The following ABCC5 variants were observed in gnomAD, a reference collection of about 807,000 sequenced individuals.
ABCC5 encodes ATP-binding cassette sub-family C member 5.
In ABCC5, 61 loss-of-function variants were observed where a neutral mutation model predicts 160.9. The observed-to-expected ratio is 0.38, with a 90% CI of 0.31 to 0.47. The LOEUF (loss-of-function observed/expected upper bound fraction) is 0.47, where lower values mean the gene tolerates loss of function less well. Among genes scored for constraint, ABCC5 ranks in the 20% least tolerant of loss-of-function variants. ABCC5 has a pLI of 0.99. For missense variants in ABCC5, 1,308 were observed against 1,813.3 expected (o/e 0.72, Z 5.06); for synonymous variants, 666 against 700.6 (o/e 0.95, Z 0.78).
At position 183,957,879 on chromosome 3, in the gene ABCC5, CGTGTGT is replaced by C. The variant is rs1716322870; in HGVS notation, c.2482+1848_2482+1853del. ...ATATCACATCTGTTACATGCGGATC[CGTGTGT>C]ATATCACATCGGTTACATGCGGATC... is the stretch of plus-strand genomic sequence containing the variant. On this transcript the variant is annotated intron_variant, in intron 17 of 29. Transcript: ENST00000334444. 1.4e-4 allele frequency among the ~76,000 whole-genome samples: 17 copies of C among 119,420 alleles called. No individual in the cohort carries two copies. The East Asian group carries it at 2.1e-3, about 15-fold the overall frequency. The allele number at this position is 119,420 out of a possible 152,430, so 78.3% of individuals were successfully genotyped here. A position where few individuals can be genotyped will look rare whatever the true frequency, so the allele number is the denominator to read the frequency against.
At chr3:183,969,431 G>A (rs1446662159) in intron 11 of ABCC5, among the ~76,000 whole-genome samples, 2 of 152,156 alleles carry the variant, frequency 1.3e-5, no homozygotes, top group African/African-American at 4.8e-5. Context: ...AGCAGCTCAC[G>A]CCTATAATCC....
In ABCC5 at chr3:184,017,049, C is replaced by A. The variant is rs544581202; in HGVS notation, c.-56+781G>T. Among the ~76,000 whole-genome samples, 1 of 152,332 alleles carries A rather than the reference C, an allele frequency of 6.6e-6. No individual in the cohort carries two copies. The highest frequency in any genetic ancestry group is 1.5e-5 in the Non-Finnish European group (1 of 68,030). On this transcript the variant is annotated intron_variant, in intron 1 of 29. Coordinates refer to ENST00000334444, the MANE Select transcript of ABCC5 (RefSeq NM_005688.4). The surrounding 1 kb of genome is among the most constrained non-coding windows in gnomAD (Gnocchi z 4.5). ...CTTGTTGCGTCTCCAAGCAGCCTCACCTTTCATACACGCTGCGGACCACAG... is the reference window on the plus strand; with the variant it reads ...CTTGTTGCGTCTCCAAGCAGCCTCAACTTTCATACACGCTGCGGACCACAG...
At position 183,989,339 on chromosome 3, in the gene ABCC5, G is replaced by T; in HGVS notation, c.174C>A (p.Gly58=). 1 of 1,613,962 alleles carries T rather than the reference G, an allele frequency of 6.2e-7. No individual in the cohort carries two copies. The highest frequency in any genetic ancestry group is 8.5e-7 in the Non-Finnish European group (1 of 1,179,974). The part of the protein sequence containing the change: ...DALETAARAE[G]LSLDASMHSQ... ...AATGCATGGAGGCATCAAGAGAGAG[G>T]CCCTCGGCTCGGGCTGCTGTTTCCA... Residue 58 remains glycine (G), a synonymous_variant, in exon 3 of 30, where the codon GGC becomes GGA. Coordinates refer to ENST00000334444, the MANE Select transcript of ABCC5 (RefSeq NM_005688.4).
chr3:183,931,422 C>T (rs1713173460), intron 26 of ABCC5, among the ~76,000 whole-genome samples: 2 of 151,892 alleles, frequency 1.3e-5, no homozygotes, highest in African/African-American at 2.4e-5. Flanking sequence ...TGCCCTGCCC[C>T]GCCAGGTTCA....
At chr3:183,940,040 A>G (rs1714143012) in intron 25 of ABCC5, among the ~76,000 whole-genome samples, 1 of 152,050 alleles carries the variant, frequency 6.6e-6, no homozygotes, top group South Asian at 2.1e-4. Context: ...CCTAATGGGA[A>G]CCTGAAAAAC....
At chr3:183,928,214 C>T (rs1216810832) in intron 27 of ABCC5, among the ~76,000 whole-genome samples, 1 of 151,550 alleles carries the variant, frequency 6.6e-6, no homozygotes, top group Non-Finnish European at 1.5e-5. Flanking sequence ...TGGGCTCAAG[C>T]GATTCTCCTG....
intron 11 of ABCC5, among the ~76,000 whole-genome samples, chr3:183,968,358 C>T (rs1443123556): frequency 1.3e-5 from 2 of 152,254 alleles, no homozygotes; most frequent in Admixed American, 6.5e-5. Context: ...GATCCACCCA[C>T]CTCGGCCTCC....
chr3:184,003,076 T>A (rs1445216960), intron 2 of ABCC5, among the ~76,000 whole-genome samples: 2 of 152,022 alleles, frequency 1.3e-5, no homozygotes, highest in African/African-American at 4.8e-5. Flanking sequence ...TTCAAATACA[T>A]CCTTCTGGCC....
intron 9 of ABCC5, 21 bp downstream of exon 9, chr3:183,978,482 C>T: frequency 6.3e-7 from 1 of 1,598,586 alleles, no homozygotes. Context: ...AAATGTTCCC[C>T]ATCCCTGAGG....
chr3:183,947,486 G>A lies in ABCC5; in HGVS notation c.3252C>T (p.Asn1084=). 6.2e-7 allele frequency: 1 copy of A among 1,602,534 alleles called. No homozygotes were observed. The highest frequency in any genetic ancestry group is 8.5e-7 in the Non-Finnish European group (1 of 1,172,444). The change falls in exon 23 of 30, where the codon AAC becomes AAT. Residue 1084 remains asparagine (N), a synonymous_variant. Transcript: ENST00000334444. ...LHRYQELLDD[N]QAPFFLFTCA... ...ACGTAAACAAAAAAAAAGGAGCTTG[G>A]TTGTCATCCAGCAGCTCCTGGTATC...
chr3:184,010,262 G>C (rs1398269091), intron 2 of ABCC5, among the ~76,000 whole-genome samples: 2 of 75,380 alleles, frequency 2.7e-5, no homozygotes, highest in Non-Finnish European at 4.5e-5. Flanking sequence ...AGGAGACTTC[G>C]TCTCAAAAAA....
At chr3:183,945,039 C>T (rs540704995) in intron 24 of ABCC5, among the ~76,000 whole-genome samples, 6 of 152,328 alleles carry the variant, frequency 3.9e-5, no homozygotes, top group African/African-American at 1.4e-4. Flanking sequence ...CTCTCTCTCT[C>T]CTGCTCTGCC....
In ABCC5 at chr3:183,925,537, T is replaced by C; in HGVS notation, c.4212+18A>G. ...CCTCCCAGACATGCCAAGCCAAAGTTCCTGAAGGACTCGGTACCTGTCCCT... is the reference window on the plus strand; with the variant it reads ...CCTCCCAGACATGCCAAGCCAAAGTCCCTGAAGGACTCGGTACCTGTCCCT... On this transcript the variant is annotated intron_variant, in intron 29 of 29. Transcript: ENST00000334444. 1 of 1,609,714 alleles carries C rather than the reference T, an allele frequency of 6.2e-7. No homozygotes were observed. Among genetic ancestry groups the C allele is most frequent in the Non-Finnish European group, 8.5e-7 (1 of 1,178,844 alleles).
At chr3:184,011,677 A>C (rs1024337539) in intron 2 of ABCC5, among the ~76,000 whole-genome samples, 6 of 152,262 alleles carry the variant, frequency 3.9e-5, no homozygotes, top group African/African-American at 1.4e-4. Flanking sequence ...ATGGTTAAAG[A>C]AGCTATGGTA....
chr3:183,981,581 C>T, intron 8 of ABCC5, 146 bp downstream of exon 8: 2 of 913,212 alleles, frequency 2.2e-6, no homozygotes, highest in Non-Finnish European at 3.3e-6. Context: ...CCCTTTTGAA[C>T]ACAAAGATTC....
At chr3:183,976,088 C>G (rs1212033433) in intron 10 of ABCC5, among the ~76,000 whole-genome samples, 3 of 150,648 alleles carry the variant, frequency 2.0e-5, no homozygotes, top group African/African-American at 7.3e-5. Context: ...TTTCATATGA[C>G]TCAGCTCTTG....
chr3:183,994,788 T>C (rs1720113915), intron 2 of ABCC5, among the ~76,000 whole-genome samples: 1 of 152,178 alleles, frequency 6.6e-6, no homozygotes, highest in Non-Finnish European at 1.5e-5. Context: ...CATCTATGTG[T>C]ACTTATATGT....
In ABCC5 at chr3:183,937,891, A is replaced by G. The variant is rs747838330; in HGVS notation, c.3854+10T>C. ...TGACGCACGAGACATGCAGGTGCTC[A>G]GGTCCTCACCTGACAGTGCCACTGA... On this transcript the variant is annotated intron_variant, in intron 26 of 29. Coordinates refer to ENST00000334444, the MANE Select transcript of ABCC5 (RefSeq NM_005688.4). 6.2e-7 allele frequency: 1 copy of G among 1,613,692 alleles called. No homozygotes were observed. Among genetic ancestry groups the G allele is most frequent in the South Asian group, 1.1e-5 (1 of 90,984 alleles).
At position 183,956,697 on chromosome 3, in the gene ABCC5, T is replaced by C. The variant is rs543134413; in HGVS notation, c.2482+3036A>G. Among the ~76,000 whole-genome samples, 3 of 78,838 alleles carry C rather than the reference T, an allele frequency of 3.8e-5. No individual in the cohort carries two copies. In the South Asian group the frequency reaches 1.5e-3, roughly 41 times the overall value. The allele number at this position is 78,838 out of a possible 152,430, so 51.7% of individuals were successfully genotyped here. A position where few individuals can be genotyped will look rare whatever the true frequency, so the allele number is the denominator to read the frequency against. On this transcript the variant is annotated intron_variant, in intron 17 of 29. Coordinates refer to ENST00000334444, the MANE Select transcript of ABCC5 (RefSeq NM_005688.4). ...ATCATATAGGTTACATGCAGATCCG[T>C]GTGTATATCATATAGGTTACATGCA...
Sources: allele counts gnomAD v4.1 joint callset (sites outside exome capture counted in the v4.1 genomes callset), GRCh38; gene constraint gnomAD v4.1.1; non-coding constraint Gnocchi (gnomAD v3.1); transcripts MANE v1.5; gene names NCBI Gene and HGNC (gene_info 2026-07-23, HGNC 2026-07-21).